ADRA2B: variants seen among roughly 807,000 people sequenced by gnomAD.
The protein encoded by ADRA2B is alpha-2B adrenergic receptor.
Under a neutral mutation model 14.4 loss-of-function variants are expected in ADRA2B, and 14 were observed. That is an observed-to-expected ratio of 0.97 (90% CI 0.64 to 1.52). The LOEUF (loss-of-function observed/expected upper bound fraction) is 1.52, where lower values mean the gene tolerates loss of function less well. ADRA2B is among the 40% of genes most tolerant of loss of function. The probability of loss-of-function intolerance (pLI) is 0.00; values close to 1 mark genes in which losing one functional copy is unlikely to be tolerated. For missense variants in ADRA2B, 606 were observed against 603.2 expected (o/e 1.00, Z -0.05); for synonymous variants, 250 against 263.7 (o/e 0.95, Z 0.50).
chr2:96,116,235 G>A lies in ADRA2B; in HGVS notation c.-86C>T. The A allele has an allele frequency of 7.7e-7, 1 of 1,294,372 alleles. No homozygotes were observed. The highest frequency in any genetic ancestry group is 1.1e-6 in the Non-Finnish European group (1 of 918,084). 80.2% of individuals were successfully genotyped at this position (1,294,372 alleles called of 1,614,324 possible). The stretch of plus-strand genomic sequence containing the variant: ...CGCTGCCCGGCTCGGCTAGACAAGA[G>A]CGTCGCCCCTCGGGCGGCGCCGAGG... On this transcript the variant is annotated 5_prime_UTR_variant, in exon 1 of 1. Coordinates refer to ENST00000620793, the MANE Select transcript of ADRA2B (RefSeq NM_000682.7).
At position 96,115,973 on chromosome 2, in the gene ADRA2B, G is replaced by A; in HGVS notation, c.177C>T (p.Ile59=). ...LFLVSLAAAD[I]LVATLIIPFS... is the part of the protein sequence containing the mutation. The stretch of plus-strand genomic sequence containing the variant: ...AAGGGATGATGAGCGTGGCCACCAG[G>A]ATGTCGGCGGCGGCCAGCGACACCA... The change falls in exon 1 of 1, where the codon ATC becomes ATT. Residue 59 remains isoleucine, a synonymous_variant. Transcript: ENST00000620793. 1 of 1,613,728 alleles carries A rather than the reference G, an allele frequency of 6.2e-7. No individual in the cohort carries two copies. Among genetic ancestry groups the A allele is most frequent in the Admixed American group, 1.7e-5 (1 of 59,994 alleles).
Position 96,115,509 on chromosome 2 carries a change from C to T in ADRA2B, c.641G>A (p.Gly214Glu), listed in dbSNP as rs1460200037. 1 of 1,613,734 alleles carries T rather than the reference C, an allele frequency of 6.2e-7. No individual in the cohort carries two copies. Among genetic ancestry groups the T allele is most frequent in the Admixed American group, 1.7e-5 (1 of 60,032 alleles). ...RRGPRAKGGP[G>E]QGESKQPRPD... ...TCGGGGCTGCTTGGACTCACCCTGC[C>T]CAGGCCCCCCCTTGGCCCTGGGACC... The change falls in exon 1 of 1, where the codon GGG (glycine) becomes GAG (glutamate). Residue 214 changes from glycine (G) to glutamate (E), a missense_variant. Gly to Glu is a moderately conservative substitution (Grantham distance 98, BLOSUM62 -2). Transcript: ENST00000620793.
rs1681819452 is a variant in ADRA2B at position 96,114,596 on chromosome 2, C to G, written c.*201G>C. The G allele has an allele frequency of 3.5e-6, 5 of 1,418,652 alleles. No homozygotes were observed. The Admixed American group carries it at 1.5e-4, about 41-fold the overall frequency. 87.9% of individuals were successfully genotyped at this position (1,418,652 alleles called of 1,614,324 possible). Reference sequence around the variant, plus strand: ...AGGGTGGAGAAGGGGTCCCCCACAGCTAAGCCGGCAAGGGGAAGCTTCACT... The same window carrying G: ...AGGGTGGAGAAGGGGTCCCCCACAGGTAAGCCGGCAAGGGGAAGCTTCACT... On this transcript the variant is annotated 3_prime_UTR_variant, in exon 1 of 1. Transcript: ENST00000620793.
chr2:96,114,303 C>A lies in ADRA2B; in HGVS notation c.*494G>T. 1.0e-6 allele frequency: 1 copy of A among 994,636 alleles called. No individual in the cohort carries two copies. Among genetic ancestry groups the A allele is most frequent in the Non-Finnish European group, 1.2e-6 (1 of 834,882 alleles). 61.6% of individuals were successfully genotyped at this position (994,636 alleles called of 1,614,324 possible). On this transcript the variant is annotated 3_prime_UTR_variant, in exon 1 of 1. Coordinates refer to ENST00000620793, the MANE Select transcript of ADRA2B (RefSeq NM_000682.7). ...CGAGTGCCTAGCGTGGGTGATCAGT[C>A]TTCGTTTCTTCCTCCCCCTCAGCAG...
At position 96,116,383 on chromosome 2, in the gene ADRA2B, A is replaced by G. The variant is rs1228551897; in HGVS notation, c.-234T>C. On this transcript the variant is annotated 5_prime_UTR_variant, in exon 1 of 1. Transcript: ENST00000620793. ...GGGTCCCTGCCGTCCGCCCCAGAGA[A>G]GTTTCCCAAGTTGTCCCGCCGCCGT... 1.1e-5 allele frequency: 6 copies of G among 544,498 alleles called. No homozygotes were observed. The highest frequency in any genetic ancestry group is 6.3e-5 in the Admixed American group (2 of 31,764). 33.7% of individuals were successfully genotyped at this position (544,498 alleles called of 1,614,324 possible).
At position 96,115,259 on chromosome 2, in the gene ADRA2B, A is replaced by G; in HGVS notation, c.891T>C (p.Ala297=). The G allele has an allele frequency of 6.5e-7, 1 of 1,544,210 alleles. No individual in the cohort carries two copies. The highest frequency in any genetic ancestry group is 1.2e-5 in the South Asian group (1 of 83,596). ...GVCGASPEDE[A]EEEEEEEEEE... The stretch of plus-strand genomic sequence containing the variant: ...CCTCCTCCTCCTCTTCCTCCTCTTC[A>G]GCTTCATCCTCTGGAGATGCCCCAC... Residue 297 remains alanine (A), a synonymous_variant, in exon 1 of 1, where the codon GCT becomes GCC. Transcript: ENST00000620793.
rs1466497066 is a variant in ADRA2B, at chr2:96,115,552, T to G, written c.598A>C (p.Lys200Gln). Residue 200 changes from lysine (K) to glutamine (Q), a missense_variant, in exon 1 of 1, where the codon AAA becomes CAA. Physicochemically the swap from Lys to Gln is moderately conservative, Grantham distance 53 (BLOSUM62 1). Transcript: ENST00000620793. ...CTGGGACCTCTGCGGTTGCTGCGTT[T>G]GGCGATCAGGTAGATGCGCAGGTAG... ...LVYLRIYLIA[K>Q]RSNRRGPRAK... 4 of 1,613,876 alleles carry G rather than the reference T, an allele frequency of 2.5e-6. No homozygotes were observed. Among genetic ancestry groups the G allele is most frequent in the Non-Finnish European group, 3.4e-6 (4 of 1,179,882 alleles).
rs1681826237 is a variant in ADRA2B, at chr2:96,114,876, A to G, written c.1274T>C (p.Ile425Thr). The G allele has an allele frequency of 1.2e-6, 2 of 1,614,034 alleles. No individual in the cohort carries two copies. Among genetic ancestry groups the G allele is most frequent in the Non-Finnish European group, 8.5e-7 (1 of 1,179,988 alleles). ...GAAGTCCTGGTTGAAGATGGTGTAG[A>G]TAACAGGGTTCAGTGAGCTGTTGCA... ...GYCNSSLNPV[I>T]YTIFNQDFRR... is the part of the protein sequence containing the mutation. The change falls in exon 1 of 1, where the codon ATC becomes ACC. Residue 425 changes from isoleucine to threonine, a missense_variant. Transcript: ENST00000620793.
At position 96,114,660 on chromosome 2, in the gene ADRA2B, A is replaced by G. The variant is rs1169361703; in HGVS notation, c.*137T>C. On this transcript the variant is annotated 3_prime_UTR_variant, in exon 1 of 1. Coordinates refer to ENST00000620793, the MANE Select transcript of ADRA2B (RefSeq NM_000682.7). ...GCAGCCCCCCTGCCCACCCCTCCCA[A>G]GGGGTTCCTAAGATGAGGCCTACAG... 3.5e-6 allele frequency: 5 copies of G among 1,431,094 alleles called. No individual in the cohort carries two copies. The Admixed American group carries it at 1.4e-4, about 41-fold the overall frequency. 88.6% of individuals were successfully genotyped at this position (1,431,094 alleles called of 1,614,324 possible). A position where few individuals can be genotyped will look rare whatever the true frequency, so the allele number is the denominator to read the frequency against.
Position 96,115,085 on chromosome 2 carries a change from C to A in ADRA2B, c.1065G>T (p.Gln355His). The A allele has an allele frequency of 1.2e-6, 2 of 1,613,126 alleles. No homozygotes were observed. Among genetic ancestry groups the A allele is most frequent in the Non-Finnish European group, 1.7e-6 (2 of 1,179,606 alleles). ...LGRGVGAIGG[Q>H]WWRRRAQLTR... ...TCAGCTGCGCCCGTCGACGCCACCA[C>A]TGCCCACCTATAGCACCCACGCCCC... Residue 355 changes from glutamine (Q) to histidine (H), a missense_variant, in exon 1 of 1, where the codon CAG becomes CAT. Gln to His is a conservative substitution (Grantham distance 24). Transcript: ENST00000620793.
At position 96,116,289 on chromosome 2, in the gene ADRA2B, G is replaced by C. The variant is rs939417675; in HGVS notation, c.-140C>G. On this transcript the variant is annotated 5_prime_UTR_variant, in exon 1 of 1. Transcript: ENST00000620793. ...CTGGAGCCCCATGGCCTGGACGAGC[G>C]GGGCCTAGGAGGTCGGGAACACCCA... The C allele has an allele frequency of 8.2e-6, 6 of 728,140 alleles. No homozygotes were observed. The highest frequency in any genetic ancestry group is 1.2e-5 in the Non-Finnish European group (5 of 434,474). The allele number at this position is 728,140 out of a possible 1,614,324, so 45.1% of individuals were successfully genotyped here.
rs1194668407 is a variant in ADRA2B at position 96,115,905 on chromosome 2, C to A, written c.245G>T (p.Arg82Leu). 1.2e-6 allele frequency: 2 copies of A among 1,613,468 alleles called. No individual in the cohort carries two copies. Among genetic ancestry groups the A allele is most frequent in the Non-Finnish European group, 1.7e-6 (2 of 1,179,736 alleles). ...CGCCAGGTACACCTCGCACCACGTG[C>A]GCCGGAAGTACCAGTAGCCCAGCAG... Reference protein sequence around the residue: ...NELLGYWYFRRTWCEVYLALD... With the variant: ...NELLGYWYFRLTWCEVYLALD... The change falls in exon 1 of 1, where the codon CGC becomes CTC. Residue 82 changes from arginine to leucine, a missense_variant. Coordinates refer to ENST00000620793, the MANE Select transcript of ADRA2B (RefSeq NM_000682.7).
rs780995577 is a variant in ADRA2B, at chr2:96,116,026, A to G, written c.124T>C (p.Ser42Pro). ...AACAGGTTCTGAGGGGCGCGCAGCG[A>G]GCGGCTGGTCAACACAGCCAGGATG... ...LVILAVLTSR[S>P]LRAPQNLFLV... The change falls in exon 1 of 1, where the codon TCG becomes CCG. Residue 42 changes from serine to proline, a missense_variant. Coordinates refer to ENST00000620793, the MANE Select transcript of ADRA2B (RefSeq NM_000682.7). The G allele has an allele frequency of 1.2e-6, 2 of 1,613,510 alleles. No individual in the cohort carries two copies. Among genetic ancestry groups the G allele is most frequent in the Admixed American group, 3.3e-5 (2 of 60,004 alleles).
rs780332816 is a variant in ADRA2B, at chr2:96,115,353, C to T, written c.797G>A (p.Gly266Glu). 1.1e-5 allele frequency: 17 copies of T among 1,604,730 alleles called. No homozygotes were observed. The South Asian group carries it at 1.2e-4, about 11-fold the overall frequency. Residue 266 changes from glycine to glutamate, a missense_variant, in exon 1 of 1, where the codon GGG becomes GAG. By Grantham distance (98) the Gly-to-Glu change is moderately conservative. Transcript: ENST00000620793. ...KEEGETPEDTGTRALPPSWAA... is the reference protein window; with the variant it reads ...KEEGETPEDTETRALPPSWAA... The stretch of plus-strand genomic sequence containing the variant: ...CCAACTGGGTGGCAAGGCCCGGGTC[C>T]CAGTATCTTCAGGGGTCTCCCCCTC...
Position 96,114,507 on chromosome 2 carries a change from T to G in ADRA2B, c.*290A>C. On this transcript the variant is annotated 3_prime_UTR_variant, in exon 1 of 1. Coordinates refer to ENST00000620793, the MANE Select transcript of ADRA2B (RefSeq NM_000682.7). ...GGCTCTGGGAAGAAAGTGCTCTCTC[T>G]TCTCCTGGTCTTGGCTATGTTCCAG... 1 of 1,252,408 alleles carries G rather than the reference T, an allele frequency of 8.0e-7. No individual in the cohort carries two copies. Among genetic ancestry groups the G allele is most frequent in the Non-Finnish European group, 1.0e-6 (1 of 992,812 alleles). 77.6% of individuals were successfully genotyped at this position (1,252,408 alleles called of 1,614,324 possible).
Position 96,115,982 on chromosome 2 carries a change from G to T in ADRA2B, c.168C>A (p.Ala56=), listed in dbSNP as rs1487655333. ...PQNLFLVSLA[A]ADILVATLII... Reference sequence around the variant, plus strand: ...TGAGCGTGGCCACCAGGATGTCGGCGGCGGCCAGCGACACCAGGAACAGGT... The same window carrying T: ...TGAGCGTGGCCACCAGGATGTCGGCTGCGGCCAGCGACACCAGGAACAGGT... Residue 56 remains alanine (A), a synonymous_variant, in exon 1 of 1, where the codon GCC becomes GCA. Coordinates refer to ENST00000620793, the MANE Select transcript of ADRA2B (RefSeq NM_000682.7). 6.2e-7 allele frequency: 1 copy of T among 1,613,646 alleles called. No individual in the cohort carries two copies. The highest frequency in any genetic ancestry group is 8.5e-7 in the Non-Finnish European group (1 of 1,179,886).
In ADRA2B at chr2:96,114,829, G is replaced by A. The variant is rs1681824432; in HGVS notation, c.1321C>T (p.Leu441=). 1.2e-6 allele frequency: 2 copies of A among 1,613,626 alleles called. No individual in the cohort carries two copies. Among genetic ancestry groups the A allele is most frequent in the Non-Finnish European group, 1.7e-6 (2 of 1,179,850 alleles). ...GCCGTCTGGGTCCACGGGCGGCACA[G>A]GATCCTCCGGAAGGCACGGCGGAAG... ...QDFRRAFRRI[L]CRPWTQTAW is the part of the protein sequence containing the mutation. The change falls in exon 1 of 1, where the codon CTG becomes TTG. Residue 441 remains leucine, a synonymous_variant. Transcript: ENST00000620793.
chr2:96,115,381 CCTT>C lies in ADRA2B; in HGVS notation c.766_768del (p.Lys256del), dbSNP rs752212429. On this transcript the variant is annotated inframe_deletion, in exon 1 of 1. Transcript: ENST00000620793. ...GTATCTTCAGGGGTCTCCCCCTCCT[CCTT>C]CTCCCCAGTGGACTTCGAGTGTCCG... The C allele has an allele frequency of 3.7e-6, 6 of 1,606,978 alleles. No individual in the cohort carries two copies. Among genetic ancestry groups the C allele is most frequent in the Non-Finnish European group, 5.1e-6 (6 of 1,175,342 alleles).
Position 96,115,769 on chromosome 2 carries a change from G to A in ADRA2B, c.381C>T (p.Arg127=), listed in dbSNP as rs759694982. 109 of 1,612,834 alleles carry A rather than the reference G, an allele frequency of 6.8e-5. No individual in the cohort carries two copies. The Middle Eastern group carries it at 8.2e-4, about 12-fold the overall frequency. Residue 127 remains arginine (R), a synonymous_variant, in exon 1 of 1, where the codon CGC becomes CGT. Transcript: ENST00000620793. ...ALEYNSKRTP[R]RIKCIILTVW... is the part of the protein sequence containing the mutation. ...CAGTGAGGATGATGCACTTGATGCG[G>A]CGCGGGGTGCGCTTGGAGTTGTACT...
Sources: gnomAD v4.1 joint callset for allele counts on GRCh38, gnomAD v4.1.1 for gene constraint, MANE v1.5 for transcripts, NCBI Gene and HGNC (gene_info 2026-07-23, HGNC 2026-07-21) for gene names.